The following PER2 variants were observed in gnomAD, a reference collection of about 807,000 sequenced individuals.
PER2 encodes the protein period circadian protein homolog 2.
PER2 carries 66 observed loss-of-function variants against 121.0 expected under a neutral mutation model. That is an observed-to-expected ratio of 0.55 (90% CI 0.45 to 0.67). The LOEUF (loss-of-function observed/expected upper bound fraction) is 0.67, where lower values mean the gene tolerates loss of function less well. PER2 is among the 30% of genes least tolerant of loss of function. The pLI is 0.00. For missense variants in PER2, 1,521 were observed against 1,635.0 expected, an observed-to-expected ratio of 0.93 and a Z score of 1.20; for synonymous variants, 684 against 659.9, an observed-to-expected ratio of 1.04 and a Z score of -0.56.
chr2:238,260,033 GT>G lies in PER2; in HGVS notation c.1562del (p.Asn521ThrfsTer83). On this transcript the variant is annotated frameshift_variant, in exon 14 of 23. Coordinates refer to ENST00000254657, the MANE Select transcript of PER2 (RefSeq NM_022817.3). LOFTEE classifies it high-confidence loss of function. Reference sequence around the variant, plus strand: ...AATAATGACTTCTATTTTTGGTCTTGTTACCATTTTTACAAATTTCCTTGAA... The same window carrying G: ...AATAATGACTTCTATTTTTGGTCTTGTACCATTTTTACAAATTTCCTTGAA... ...RRRAEICKNG[N>X]KTKNRSHYSH... 1.3e-6 allele frequency: 2 copies of G among 1,501,072 alleles called. No homozygotes were observed. Among genetic ancestry groups the G allele is most frequent in the South Asian group, 1.2e-5 (1 of 86,592 alleles). 93.0% of individuals were successfully genotyped at this position (1,501,072 alleles called of 1,614,324 possible). A position where few individuals can be genotyped will look rare whatever the true frequency, so the allele number is the denominator to read the frequency against.
At chr2:238,257,520 C>A (rs1695798612) in intron 16 of PER2, among the ~76,000 whole-genome samples, 1 of 152,258 alleles carries the variant, frequency 6.6e-6, no homozygotes, top group Admixed American at 6.5e-5. Flanking sequence ...GTCACCCAGG[C>A]TGGAGTGCAG....
chr2:238,283,220 T>C (rs554628827), intron 1 of PER2, among the ~76,000 whole-genome samples: 1 of 152,354 alleles, frequency 6.6e-6, no homozygotes, highest in Admixed American at 6.5e-5. Flanking sequence ...CTTTCTTTCC[T>C]TCCTTCCTGT....
In PER2 at chr2:238,277,861, C is replaced by A; in HGVS notation, c.76G>T (p.Val26Phe). ...KEPVEPQPSQVPLQEDVDMSS... is the reference protein window; with the variant it reads ...KEPVEPQPSQFPLQEDVDMSS... ...ATGTCCACATCTTCCTGCAGTGGGACCTGGCTGGGCTGGGGCTCCACGGGC... is the reference window on the plus strand; with the variant it reads ...ATGTCCACATCTTCCTGCAGTGGGAACTGGCTGGGCTGGGGCTCCACGGGC... Residue 26 changes from valine (V) to phenylalanine (F), a missense_variant, in exon 2 of 23, where the codon GTC becomes TTC. Coordinates refer to ENST00000254657, the MANE Select transcript of PER2 (RefSeq NM_022817.3). 1 of 1,614,182 alleles carries A rather than the reference C, an allele frequency of 6.2e-7. No homozygotes were observed. Among genetic ancestry groups the A allele is most frequent in the Non-Finnish European group, 8.5e-7 (1 of 1,180,040 alleles).
chr2:238,266,953 G>T (rs1036043035), intron 8 of PER2, among the ~76,000 whole-genome samples: 3 of 151,808 alleles, frequency 2.0e-5, no homozygotes, highest in Admixed American at 2.0e-4. Context: ...GGAGGCTGAG[G>T]CAGGAGAATT....
chr2:238,245,960 A>C lies in PER2; in HGVS notation c.*415T>G. On this transcript the variant is annotated 3_prime_UTR_variant, in exon 23 of 23. Coordinates refer to ENST00000254657, the MANE Select transcript of PER2 (RefSeq NM_022817.3). ...AAAGCAGTCCCCAAGAGAGGACAAA[A>C]TTTGATCTGATCCAAACACCCTGGG... is the stretch of plus-strand genomic sequence containing the variant. The C allele has an allele frequency of 3.9e-6, 1 of 257,448 alleles. No individual in the cohort carries two copies. 15.9% of individuals were successfully genotyped at this position (257,448 alleles called of 1,614,324 possible). A position where few individuals can be genotyped will look rare whatever the true frequency, so the allele number is the denominator to read the frequency against.
the PER2 span, among the ~76,000 whole-genome samples, chr2:238,297,752 A>G: frequency 2.6e-5 from 4 of 152,350 alleles, no homozygotes; most frequent in Admixed American, 6.5e-5. Flanking sequence ...AGGTGCTGCC[A>G]GGGCTCTTCC....
chr2:238,256,870 T>A, intron 17 of PER2, 52 bp downstream of exon 17: 1 of 1,577,358 alleles, frequency 6.3e-7, no homozygotes, highest in Non-Finnish European at 8.7e-7. Flanking sequence ...AACTTCTTGT[T>A]TTCATGGTTA....
chr2:238,269,047 A>G (rs1243621144), intron 6 of PER2, 73 bp from the exon 7 acceptor site: 2 of 1,153,478 alleles, frequency 1.7e-6, no homozygotes, highest in Non-Finnish European at 2.6e-6. Context: ...CTCACAAACA[A>G]AAGAGGAGCA....
At chr2:238,261,431 G>T in intron 12 of PER2, 1 of 473,522 alleles carries the variant, frequency 2.1e-6, no homozygotes, top group Non-Finnish European at 3.9e-6. Flanking sequence ...CCACTGAGAG[G>T]TCACTCTGGA....
At chr2:238,294,139 G>A (rs1456157858), upstream of PER2, among the ~76,000 whole-genome samples, 1 of 152,158 alleles carries the variant, frequency 6.6e-6, no homozygotes, top group African/African-American at 2.4e-5. Flanking sequence ...CCAGGTGGAG[G>A]GTCTCTCATC....
intron 1 of PER2, among the ~76,000 whole-genome samples, chr2:238,287,324 C>A (rs932948544): frequency 2.8e-4 from 43 of 152,252 alleles, no homozygotes; most frequent in African/African-American, 9.6e-4. Context: ...AAAATCAATT[C>A]ACCTTGTATT....
At chr2:238,281,011 T>A (rs1371066819) in intron 1 of PER2, among the ~76,000 whole-genome samples, 1 of 151,778 alleles carries the variant, frequency 6.6e-6, no homozygotes, top group Non-Finnish European at 1.5e-5. Flanking sequence ...TTACACTTTT[T>A]TTTTTTTTTT....
intron 8 of PER2, among the ~76,000 whole-genome samples, chr2:238,266,979 C>T (rs1416688683): frequency 2.0e-5 from 3 of 147,114 alleles, no homozygotes; most frequent in African/African-American, 5.0e-5. Context: ...ATCCAGGAGG[C>T]GGAGGTTGCA....
At chr2:238,255,432 A>G (rs1314274690) in intron 18 of PER2, 5 of 610,284 alleles carry the variant, frequency 8.2e-6, no homozygotes, top group African/African-American at 3.7e-5. Context: ...CTCGGGCACT[A>G]GCCTGGGACT....
At chr2:238,266,114 A>C (rs1041654240) in intron 8 of PER2, among the ~76,000 whole-genome samples, 16 of 151,890 alleles carry the variant, frequency 1.1e-4, no homozygotes, top group Non-Finnish European at 1.8e-4. Context: ...CGTGTTGGCC[A>C]GGATGGTCTC....
intron 12 of PER2, 153 bp downstream of exon 12, chr2:238,261,576 T>C: frequency 2.9e-6 from 2 of 686,436 alleles, no homozygotes; most frequent in Non-Finnish European, 5.3e-6. Flanking sequence ...ACTAGCACAG[T>C]CTATGCCCAA....
At position 238,246,294 on chromosome 2, in the gene PER2, A is replaced by G. The variant is rs761718970; in HGVS notation, c.*81T>C. The stretch of plus-strand genomic sequence containing the variant: ...TGAGCATATGTGTCCATTTCAGTGG[A>G]AACAGCCATGAAGATCTTTCATCTC... On this transcript the variant is annotated 3_prime_UTR_variant, in exon 23 of 23. Coordinates refer to ENST00000254657, the MANE Select transcript of PER2 (RefSeq NM_022817.3). 1 of 1,067,898 alleles carries G rather than the reference A, an allele frequency of 9.4e-7. No individual in the cohort carries two copies. The highest frequency in any genetic ancestry group is 1.3e-6 in the Non-Finnish European group (1 of 748,532). The allele number at this position is 1,067,898 out of a possible 1,614,324, so 66.2% of individuals were successfully genotyped here.
intron 18 of PER2, chr2:238,254,383 G>A (rs764954542): frequency 1.3e-4 from 20 of 154,304 alleles, no homozygotes; most frequent in Non-Finnish European, 2.3e-4. Context: ...CTCACATCAC[G>A]CGGAGTGACT....
intron 1 of PER2, among the ~76,000 whole-genome samples, chr2:238,283,176 C>T (rs1294744119): frequency 6.6e-6 from 1 of 152,240 alleles, no homozygotes; most frequent in Non-Finnish European, 1.5e-5. Flanking sequence ...ATGCCCCCTC[C>T]CTCTCTCCCT....
Sources: gnomAD v4.1 joint callset for allele counts (sites outside exome capture counted in the v4.1 genomes callset) on GRCh38, gnomAD v4.1.1 for gene constraint, MANE v1.5 for transcripts, NCBI Gene and HGNC (gene_info 2026-07-23, HGNC 2026-07-21) for gene names.